The following TENM4 variants were observed in gnomAD, a reference collection of about 807,000 sequenced individuals.
TENM4 encodes teneurin-4.
Under a neutral mutation model 243.3 loss-of-function variants are expected in TENM4, and 82 were observed. That is an observed-to-expected ratio of 0.34 (90% CI 0.28 to 0.40). The LOEUF (loss-of-function observed/expected upper bound fraction) is 0.40, where lower values mean the gene tolerates loss of function less well. TENM4 is among the 10% of genes least tolerant of loss of function. TENM4 has a pLI of 1.00. For synonymous variants in TENM4, 1,412 were observed against 1,456.3 expected (o/e 0.97, Z 0.69); for missense variants, 3,138 against 3,673.3 (o/e 0.85, Z 3.77).
chr11:78,792,417 T>C (rs984973405), intron 15 of TENM4, among the ~76,000 whole-genome samples: 1 of 152,184 alleles, frequency 6.6e-6, no homozygotes, highest in African/African-American at 2.4e-5. Flanking sequence ...AAAATTCCTA[T>C]TCCAAGCTTA....
chr11:78,759,604 C>T (rs1856387432), intron 18 of TENM4, among the ~76,000 whole-genome samples: 1 of 152,226 alleles, frequency 6.6e-6, no homozygotes, highest in Non-Finnish European at 1.5e-5. Flanking sequence ...GAAGGGATGT[C>T]TGCTCTCTAG....
intron 3 of TENM4, among the ~76,000 whole-genome samples, chr11:79,167,807 C>T (rs760892465): frequency 6.6e-6 from 1 of 152,178 alleles, no homozygotes; most frequent in Non-Finnish European, 1.5e-5. Context: ...TGACCCTCCC[C>T]TCTCTAAACC....
intron 6 of TENM4, among the ~76,000 whole-genome samples, chr11:79,000,908 G>A (rs529868755): frequency 6.6e-6 from 1 of 152,304 alleles, no homozygotes; most frequent in South Asian, 2.1e-4. Context: ...GCATATGCCT[G>A]TAGTCCCAGC....
At chr11:78,910,529 C>T (rs1009832408) in intron 6 of TENM4, among the ~76,000 whole-genome samples, 1 of 152,230 alleles carries the variant, frequency 6.6e-6, no homozygotes, top group African/African-American at 2.4e-5. Flanking sequence ...AGCCTGACTT[C>T]CAGTCTCAGT....
At chr11:79,146,336 T>G (rs1862394754) in intron 4 of TENM4, among the ~76,000 whole-genome samples, 2 of 152,138 alleles carry the variant, frequency 1.3e-5, no homozygotes. Context: ...TTAGCTATAT[T>G]TAATTTCCAA....
At chr11:78,995,510 C>T (rs1374238485) in intron 6 of TENM4, among the ~76,000 whole-genome samples, 2 of 152,004 alleles carry the variant, frequency 1.3e-5, no homozygotes, top group Non-Finnish European at 2.9e-5. Context: ...TTCATAAGAG[C>T]CATTTGGATT....
At position 78,891,393 on chromosome 11, in the gene TENM4, T is replaced by A; in HGVS notation, c.750-57A>T. ...TGAGTCATGCATTGATGAAGGGGGC[T>A]AGTAGAGAAACACACAAAGTGGCTG... On this transcript the variant is annotated intron_variant, in intron 7 of 33. Coordinates refer to ENST00000278550, the MANE Select transcript of TENM4 (RefSeq NM_001098816.3). 4 of 1,467,316 alleles carry A rather than the reference T, an allele frequency of 2.7e-6. No homozygotes were observed. The South Asian group carries it at 4.9e-5, about 18-fold the overall frequency. The allele number at this position is 1,467,316 out of a possible 1,614,324, so 90.9% of individuals were successfully genotyped here. A position where few individuals can be genotyped will look rare whatever the true frequency, so the allele number is the denominator to read the frequency against.
chr11:78,669,475 C>T lies in TENM4; in HGVS notation c.6870G>A (p.Arg2290=), dbSNP rs2135669058. ...AYNRAGSWSV[R]YRYDGLGRRV... is the part of the protein sequence containing the mutation. ...GCCGCCCCAGGCCATCGTAGCGGTA[C>T]CTGACACTCCAGCTGCCAGCCCGGT... is the stretch of plus-strand genomic sequence containing the variant. The change falls in exon 32 of 34, where the codon AGG becomes AGA. Residue 2290 remains arginine (R), a synonymous_variant. Coordinates refer to ENST00000278550, the MANE Select transcript of TENM4 (RefSeq NM_001098816.3). The surrounding 1 kb of genome is among the most constrained non-coding windows in gnomAD (Gnocchi z 6.4). 5.0e-6 allele frequency: 8 copies of T among 1,613,752 alleles called. No homozygotes were observed. The highest frequency in any genetic ancestry group is 2.2e-5 in the East Asian group (1 of 44,880).
At chr11:78,948,035 G>T (rs1396056620) in intron 6 of TENM4, among the ~76,000 whole-genome samples, 1 of 152,102 alleles carries the variant, frequency 6.6e-6, no homozygotes, top group Non-Finnish European at 1.5e-5. Context: ...AATTGCTATT[G>T]TCCAGTCTCT....
chr11:79,071,302 G>A lies in TENM4; in HGVS notation c.-65-1293C>T, dbSNP rs186884134. The stretch of plus-strand genomic sequence containing the variant: ...TTGCTCCATCTTTCAGAGCAGCATG[G>A]GTACACAAGACATTCCCCTGCTTCA... On this transcript the variant is annotated intron_variant, in intron 4 of 33. Coordinates refer to ENST00000278550, the MANE Select transcript of TENM4 (RefSeq NM_001098816.3). 2.5e-3 allele frequency among the ~76,000 whole-genome samples: 384 copies of A among 152,256 alleles called. 3 individuals are homozygous for A. The highest frequency in any genetic ancestry group is 3.7e-3 in the Non-Finnish European group (250 of 68,022).
At chr11:79,389,110 T>A (rs1257841554) in intron 1 of TENM4, among the ~76,000 whole-genome samples, 1 of 152,174 alleles carries the variant, frequency 6.6e-6, no homozygotes, top group African/African-American at 2.4e-5. Context: ...TTTCAAATCA[T>A]ACTGATATCT....
intron 19 of TENM4, among the ~76,000 whole-genome samples, chr11:78,751,612 T>G (rs1315462458): frequency 6.6e-6 from 1 of 152,192 alleles, no homozygotes; most frequent in East Asian, 1.9e-4. Flanking sequence ...AACCTCTTCC[T>G]GTAACTTGCT....
chr11:79,222,023 C>T (rs973687163), intron 2 of TENM4, among the ~76,000 whole-genome samples: 9 of 152,106 alleles, frequency 5.9e-5, no homozygotes, highest in South Asian at 2.1e-4. Context: ...TGGTCCTCAA[C>T]ATTCTCAGTG....
chr11:79,030,541 C>T (rs1378541924), intron 6 of TENM4, among the ~76,000 whole-genome samples: 1 of 152,146 alleles, frequency 6.6e-6, no homozygotes, highest in African/African-American at 2.4e-5. Context: ...GACAGCTCCC[C>T]ACTGGATATC....
intron 4 of TENM4, among the ~76,000 whole-genome samples, chr11:79,081,206 A>C (rs190866625): frequency 6.6e-6 from 1 of 152,352 alleles, no homozygotes; most frequent in Admixed American, 6.5e-5. Flanking sequence ...TCTCAGCCAG[A>C]CGCTGGGCCT....
chr11:79,191,953 C>T (rs1441383985), intron 3 of TENM4, among the ~76,000 whole-genome samples: 5 of 150,452 alleles, frequency 3.3e-5, no homozygotes, highest in Non-Finnish European at 7.4e-5. Flanking sequence ...AGGTGGGGGT[C>T]AGCCCCCCGC....
chr11:79,431,325 C>T (rs1488018528), intron 1 of TENM4, among the ~76,000 whole-genome samples: 1 of 152,210 alleles, frequency 6.6e-6, no homozygotes, highest in Non-Finnish European at 1.5e-5. Flanking sequence ...TAATATTCCG[C>T]TGCTAGGCTT....
At chr11:79,306,092 C>T (rs2135405688) in intron 1 of TENM4, among the ~76,000 whole-genome samples, 1 of 152,354 alleles carries the variant, frequency 6.6e-6, no homozygotes, top group Non-Finnish European at 1.5e-5. Flanking sequence ...GGTGACTGGG[C>T]TGCTGCCCTA....
At chr11:79,245,252 T>C (rs375463480) in intron 2 of TENM4, among the ~76,000 whole-genome samples, 1 of 152,244 alleles carries the variant, frequency 6.6e-6, no homozygotes, top group African/African-American at 2.4e-5. Context: ...TGACAAAGTT[T>C]CTCAGTCTCC....
Sources: allele counts gnomAD v4.1 joint callset (sites outside exome capture counted in the v4.1 genomes callset), GRCh38; gene constraint gnomAD v4.1.1; non-coding constraint Gnocchi (gnomAD v3.1); transcripts MANE v1.5; gene names NCBI Gene and HGNC (gene_info 2026-07-23, HGNC 2026-07-21).